Variants in ZNF652 observed in about 807,000 individuals in gnomAD.
The protein encoded by ZNF652 is zinc finger protein 652.
ZNF652 carries 16 observed loss-of-function variants against 45.2 expected under a neutral mutation model. The ratio of observed to expected loss-of-function variants is 0.35; its 90% CI spans 0.24 to 0.54. The LOEUF is 0.54. ZNF652 is among the 20% of genes least tolerant of loss of function. ZNF652 has a pLI of 0.91. For synonymous variants in ZNF652, 250 were observed against 260.6 expected, an observed-to-expected ratio of 0.96 and a Z score of 0.39; for missense variants, 614 against 765.6, an observed-to-expected ratio of 0.80 and a Z score of 2.34.
At chr17:49,335,483 C>T (rs960159410) in intron 1 of ZNF652, among the ~76,000 whole-genome samples, 14 of 152,016 alleles carry the variant, frequency 9.2e-5, no homozygotes, top group African/African-American at 3.4e-4. Flanking sequence ...CACCTATTGC[C>T]ACACAGGTAA....
chr17:49,324,181 A>G (rs2069929737), intron 1 of ZNF652, among the ~76,000 whole-genome samples: 1 of 152,190 alleles, frequency 6.6e-6, no homozygotes, highest in South Asian at 2.1e-4. Flanking sequence ...TACGTTATGG[A>G]GATAGCTTCT....
chr17:49,317,100 G>A lies in ZNF652; in HGVS notation c.626C>T (p.Thr209Ile), dbSNP rs748093058. Reference sequence around the variant, plus strand: ...TACACTCTTCCTACGACCTCTTGTAGTTCTGGGAGTAGGGGAAGTGGTAGC... The same window carrying A: ...TACACTCTTCCTACGACCTCTTGTAATTCTGGGAGTAGGGGAAGTGGTAGC... The part of the protein sequence containing the change: ...AAATTSPTPR[T>I]TRGRRKSVEP... Residue 209 changes from threonine (T) to isoleucine (I), a missense_variant, in exon 2 of 6, where the codon ACT (threonine) becomes ATT (isoleucine). Physicochemically the swap from Thr to Ile is moderately conservative, Grantham distance 89. Transcript: ENST00000430262. The A allele has an allele frequency of 6.2e-7, 1 of 1,614,072 alleles. No individual in the cohort carries two copies. Among genetic ancestry groups the A allele is most frequent in the Non-Finnish European group, 8.5e-7 (1 of 1,180,022 alleles).
At chr17:49,329,323 T>C in intron 1 of ZNF652, among the ~76,000 whole-genome samples, 1 of 152,208 alleles carries the variant, frequency 6.6e-6, no homozygotes, top group Non-Finnish European at 1.5e-5. Context: ...GTAGAAGTTA[T>C]AGAAACAAAA....
Position 49,298,670 on chromosome 17 carries a change from T to C in ZNF652, c.1564A>G (p.Thr522Ala). ...PATPVPSVVN[T>A]ATTPTPPINM... Reference sequence around the variant, plus strand: ...ATTGGAGGGGTTGGGGTTGTGGCTGTGTTCACCACAGAAGGAACTGGGGTG... The same window carrying C: ...ATTGGAGGGGTTGGGGTTGTGGCTGCGTTCACCACAGAAGGAACTGGGGTG... The change falls in exon 6 of 6, where the codon ACA becomes GCA. Residue 522 changes from threonine (T) to alanine (A), a missense_variant. By Grantham distance (58) the Thr-to-Ala change is moderately conservative. Transcript: ENST00000430262. 1 of 1,613,312 alleles carries C rather than the reference T, an allele frequency of 6.2e-7. No homozygotes were observed. The highest frequency in any genetic ancestry group is 1.3e-5 in the African/African-American group (1 of 74,858).
intron 1 of ZNF652, among the ~76,000 whole-genome samples, chr17:49,325,018 G>A (rs2069941856): frequency 2.0e-5 from 3 of 151,830 alleles, no homozygotes; most frequent in Admixed American, 1.3e-4. Context: ...TGGGATTACA[G>A]GTGTGAGCCA....
chr17:49,354,219 C>T (rs1056034645), intron 1 of ZNF652, among the ~76,000 whole-genome samples: 1 of 151,894 alleles, frequency 6.6e-6, no homozygotes, highest in African/African-American at 2.4e-5. Flanking sequence ...TTAAATATAT[C>T]TCAAAGAACC....
At chr17:49,340,763 T>C (rs551026939) in intron 1 of ZNF652, among the ~76,000 whole-genome samples, 19 of 151,884 alleles carry the variant, frequency 1.3e-4, no homozygotes, top group African/African-American at 4.3e-4. Flanking sequence ...TACAAAAAGT[T>C]AGCCAGGTAG....
Position 49,293,655 on chromosome 17 carries a change from TAAAAAAAAAAAAAA to T in ZNF652, c.*4744_*4757del, listed in dbSNP as rs10609861. Among the ~76,000 whole-genome samples the T allele has an allele frequency of 0.075, 5,901 of 78,568 alleles. 348 individuals are homozygous for T. The highest frequency in any genetic ancestry group is 0.17 in the African/African-American group (4,081 of 24,148). The allele number at this position is 78,568 out of a possible 152,430, so 51.5% of individuals were successfully genotyped here. A position where few individuals can be genotyped will look rare whatever the true frequency, so the allele number is the denominator to read the frequency against. On this transcript the variant is annotated 3_prime_UTR_variant, in exon 6 of 6. Transcript: ENST00000430262. ...CTAATGGCTTATGACCTTTCATTCC[TAAAAAAAAAAAAAA>T]AAAAAAAAAAAAAAAACTCTTAAGT... is the stretch of plus-strand genomic sequence containing the variant.
chr17:49,347,979 C>A (rs1404614914), intron 1 of ZNF652, among the ~76,000 whole-genome samples: 1 of 151,966 alleles, frequency 6.6e-6, no homozygotes, highest in Admixed American at 6.6e-5. Flanking sequence ...CTCCTGGCCT[C>A]AAACAATCCA....
At chr17:49,314,602 G>T (rs1210020239) in intron 2 of ZNF652, among the ~76,000 whole-genome samples, 2 of 152,160 alleles carry the variant, frequency 1.3e-5, no homozygotes, top group Non-Finnish European at 2.9e-5. Context: ...CTAGTTCCTT[G>T]TATCATGAAT....
chr17:49,355,342 T>C (rs1598320105), intron 1 of ZNF652, among the ~76,000 whole-genome samples: 1 of 151,988 alleles, frequency 6.6e-6, no homozygotes, highest in Non-Finnish European at 1.5e-5. Context: ...CCCAGCACTT[T>C]GGGAGGCCGA....
chr17:49,304,756 T>C (rs116735466), intron 5 of ZNF652, among the ~76,000 whole-genome samples: 66 of 152,146 alleles, frequency 4.3e-4, no homozygotes, highest in African/African-American at 1.4e-3. Flanking sequence ...ACAGAGAAGA[T>C]AGAAAAGAGC....
intron 1 of ZNF652, chr17:49,322,256 T>G (rs1007327446): frequency 3.9e-5 from 6 of 152,222 alleles, no homozygotes; most frequent in Non-Finnish European, 7.3e-5. Flanking sequence ...TAATGTTAGT[T>G]TATACAAGAT....
Position 49,296,320 on chromosome 17 carries a change from G to A in ZNF652, c.*2093C>T, listed in dbSNP as rs370166278. 1 of 152,432 alleles carries A rather than the reference G, an allele frequency of 6.6e-6. No individual in the cohort carries two copies. Among genetic ancestry groups the A allele is most frequent in the African/African-American group, 2.4e-5 (1 of 41,372 alleles). 9.4% of individuals were successfully genotyped at this position (152,432 alleles called of 1,614,324 possible). On this transcript the variant is annotated 3_prime_UTR_variant, in exon 6 of 6. Coordinates refer to ENST00000430262, the MANE Select transcript of ZNF652 (RefSeq NM_001145365.3). ...TTTCCTATGCTCATTATATAAGACA[G>A]GCAAAATCAGAAGGAGAAAATTTAG...
chr17:49,342,769 G>C (rs937307368), intron 1 of ZNF652, among the ~76,000 whole-genome samples: 1 of 152,068 alleles, frequency 6.6e-6, no homozygotes, highest in African/African-American at 2.4e-5. Flanking sequence ...ACCCCCCTCA[G>C]TATCACATAA....
At position 49,295,829 on chromosome 17, in the gene ZNF652, T is replaced by A. The variant is rs1174108027; in HGVS notation, c.*2584A>T. 1 of 149,148 alleles carries A rather than the reference T, an allele frequency of 6.7e-6. No homozygotes were observed. The highest frequency in any genetic ancestry group is 2.5e-5 in the African/African-American group (1 of 40,260). 9.2% of individuals were successfully genotyped at this position (149,148 alleles called of 1,614,324 possible). A position where few individuals can be genotyped will look rare whatever the true frequency, so the allele number is the denominator to read the frequency against. On this transcript the variant is annotated 3_prime_UTR_variant, in exon 6 of 6. Transcript: ENST00000430262. ...GGCGCATGCCTGTAATTCCAGCTAC[T>A]CGGGAGGCTGAGGCAGGAGAATCAC...
At position 49,292,851 on chromosome 17, in the gene ZNF652, T is replaced by C. The variant is rs2069422004; in HGVS notation, c.*5562A>G. Among the ~76,000 whole-genome samples the C allele has an allele frequency of 1.3e-5, 2 of 152,146 alleles. No individual in the cohort carries two copies. The highest frequency in any genetic ancestry group is 1.5e-5 in the Non-Finnish European group (1 of 68,006). Reference sequence around the variant, plus strand: ...ATGGAGGAACAAAACAGAAATACGGTCAAAATTCTTGTCCAAGGTTTTAGC... The same window carrying C: ...ATGGAGGAACAAAACAGAAATACGGCCAAAATTCTTGTCCAAGGTTTTAGC... On this transcript the variant is annotated 3_prime_UTR_variant, in exon 6 of 6. Coordinates refer to ENST00000430262, the MANE Select transcript of ZNF652 (RefSeq NM_001145365.3).
At chr17:49,301,366 C>T (rs1440937040) in intron 5 of ZNF652, among the ~76,000 whole-genome samples, 1 of 152,138 alleles carries the variant, frequency 6.6e-6, no homozygotes, top group Non-Finnish European at 1.5e-5. Flanking sequence ...GGCACGATCT[C>T]AGCTCACTGC....
rs913312040 is a variant in ZNF652 at position 49,289,363 on chromosome 17, A to C, written c.*9050T>G. ...TATACAATGCTACATTGAGTGGTTAAAAATACACAAAAAAGTAGTTTTAAC... is the reference window on the plus strand; with the variant it reads ...TATACAATGCTACATTGAGTGGTTACAAATACACAAAAAAGTAGTTTTAAC... On this transcript the variant is annotated 3_prime_UTR_variant, in exon 6 of 6. Coordinates refer to ENST00000430262, the MANE Select transcript of ZNF652 (RefSeq NM_001145365.3). 1 of 152,226 alleles carries C rather than the reference A, an allele frequency of 6.6e-6. No individual in the cohort carries two copies. Among genetic ancestry groups the C allele is most frequent in the Non-Finnish European group, 1.5e-5 (1 of 68,036 alleles). 9.4% of individuals were successfully genotyped at this position (152,226 alleles called of 1,614,324 possible). A position where few individuals can be genotyped will look rare whatever the true frequency, so the allele number is the denominator to read the frequency against.
Sources: gnomAD v4.1 joint callset for allele counts (sites outside exome capture counted in the v4.1 genomes callset) on GRCh38, gnomAD v4.1.1 for gene constraint, MANE v1.5 for transcripts, NCBI Gene and HGNC (gene_info 2026-07-23, HGNC 2026-07-21) for gene names.